Variants in PIGQ observed in about 807,000 individuals in gnomAD.
The protein encoded by PIGQ is phosphatidylinositol N-acetylglucosaminyltransferase subunit Q.
Under a neutral mutation model 60.3 loss-of-function variants are expected in PIGQ, and 54 were observed. That is an observed-to-expected ratio of 0.90 (90% CI 0.72 to 1.12). The LOEUF (loss-of-function observed/expected upper bound fraction) is 1.12, where lower values mean the gene tolerates loss of function less well. Among genes scored for constraint, PIGQ ranks in the 50% most tolerant of loss-of-function variants. PIGQ has a pLI of 0.00. For missense variants in PIGQ, 799 were observed against 793.5 expected (o/e 1.01, Z -0.08); for synonymous variants, 416 against 363.7 (o/e 1.14, Z -1.64).
intron 1 of PIGQ, 56 bp from the exon 2 acceptor site, chr16:574,010 C>T (rs1403993385): frequency 5.4e-6 from 7 of 1,298,374 alleles, no homozygotes; most frequent in Non-Finnish European, 7.4e-6. Context: ...CATCCCGCAG[C>T]CCACGGTGGG....
In PIGQ at chr16:583,344, C is replaced by A. The variant is rs1173751169; in HGVS notation, c.*309C>A. The A allele has an allele frequency of 6.2e-7, 1 of 1,612,568 alleles. No homozygotes were observed. Among genetic ancestry groups the A allele is most frequent in the South Asian group, 1.1e-5 (1 of 91,066 alleles). ...CAGGTGTCCAGAGCACTGCCCCATG[C>A]CCACCCTGTGTACCCAGGTCCAGAG... On this transcript the variant is annotated 3_prime_UTR_variant, in exon 11 of 11. Coordinates refer to ENST00000321878, the MANE Select transcript of PIGQ (RefSeq NM_004204.5).
chr16:581,259 G>C (rs1001988551), intron 9 of PIGQ: 24 of 1,379,644 alleles, frequency 1.7e-5, no homozygotes, highest in Non-Finnish European at 2.3e-5. Flanking sequence ...GGATTTTCTG[G>C]GCTTGGGAGT....
At chr16:578,630 G>C in intron 5 of PIGQ, 125 bp downstream of exon 5, 2 of 1,400,244 alleles carry the variant, frequency 1.4e-6, no homozygotes, top group South Asian at 2.6e-5. Context: ...TGTGAGGCCT[G>C]CTGTGCTCAG....
chr16:579,060 G>A lies in PIGQ; in HGVS notation c.1224-9G>A, dbSNP rs1567176813. ...GCGGGGCCGGGCCCGACAGCACTGC[G>A]TCCTGTAGGCTGTACTGCCTGAAGA... On this transcript the variant is annotated splice_polypyrimidine_tract_variant and intron_variant, in intron 6 of 10. Transcript: ENST00000321878. 6.2e-6 allele frequency: 10 copies of A among 1,610,558 alleles called. No homozygotes were observed. The highest frequency in any genetic ancestry group is 3.3e-5 in the Admixed American group (2 of 59,984).
At position 579,011 on chromosome 16, in the gene PIGQ, G is replaced by T. The variant is rs2035769158; in HGVS notation, c.1224-58G>T. On this transcript the variant is annotated intron_variant, in intron 6 of 10. Transcript: ENST00000321878. ...GCTCCGGCTGGGCGGGCGTTCGAGTGGGGCGGGGGCGGGGCGGGGCGGGGC... is the reference window on the plus strand; with the variant it reads ...GCTCCGGCTGGGCGGGCGTTCGAGTTGGGCGGGGGCGGGGCGGGGCGGGGC... 6 of 1,512,696 alleles carry T rather than the reference G, an allele frequency of 4.0e-6. No homozygotes were observed. In the Admixed American group the frequency reaches 5.7e-5, roughly 14 times the overall value. 93.7% of individuals were successfully genotyped at this position (1,512,696 alleles called of 1,614,324 possible). A position where few individuals can be genotyped will look rare whatever the true frequency, so the allele number is the denominator to read the frequency against.
rs868711317 is a variant in PIGQ at position 583,422 on chromosome 16, C to A, written c.*387C>A. The A allele has an allele frequency of 6.2e-7, 1 of 1,612,768 alleles. No individual in the cohort carries two copies. The highest frequency in any genetic ancestry group is 8.5e-7 in the Non-Finnish European group (1 of 1,179,964). On this transcript the variant is annotated 3_prime_UTR_variant, in exon 11 of 11. Transcript: ENST00000321878. ...GGAGGGCTGGTCTCCCTGGGGGCTCCCCAGTGGCTCTGCCCTGGCTGTGGG... is the reference window on the plus strand; with the variant it reads ...GGAGGGCTGGTCTCCCTGGGGGCTCACCAGTGGCTCTGCCCTGGCTGTGGG...
intron 1 of PIGQ, among the ~76,000 whole-genome samples, chr16:571,037 C>CCG: frequency 1.0e-5 from 1 of 100,082 alleles, no homozygotes; most frequent in Non-Finnish European, 2.1e-5. Flanking sequence ...AGCCTGGCGC[C>CCG]CGTGTGTGTG....
Position 578,803 on chromosome 16 carries a change from C to T in PIGQ, c.1088C>T (p.Ser363Phe), listed in dbSNP as rs200912387. The stretch of plus-strand genomic sequence containing the variant: ...CTGCCAGGCTACATCCACCTCATGT[C>T]CCCCTTCGTGGAGCACATCCTTTGG... ...HLWISYIHLM[S>F]PFVEHILWHV... The change falls in exon 6 of 11, where the codon TCC (serine) becomes TTC (phenylalanine). Residue 363 changes from serine to phenylalanine, a missense_variant. Physicochemically the swap from Ser to Phe is radical, Grantham distance 155. Transcript: ENST00000321878. The T allele has an allele frequency of 8.7e-6, 14 of 1,613,570 alleles. No individual in the cohort carries two copies. In the South Asian group the frequency reaches 1.2e-4, roughly 14 times the overall value.
intron 4 of PIGQ, chr16:577,364 T>G (rs1214137055): frequency 6.6e-6 from 1 of 151,900 alleles, no homozygotes; most frequent in Non-Finnish European, 1.5e-5. Context: ...GATCATGAGG[T>G]CAGGAGATCG....
At position 576,424 on chromosome 16, in the gene PIGQ, G is replaced by A. The variant is rs902604022; in HGVS notation, c.942+170G>A. ...CAGAAGCAGGAACTCCAGGGGCGCT[G>A]GGGCCTGGGCAGGGCAGGCCTCGCA... On this transcript the variant is annotated intron_variant, in intron 4 of 10. Coordinates refer to ENST00000321878, the MANE Select transcript of PIGQ (RefSeq NM_004204.5). 21 of 810,106 alleles carry A rather than the reference G, an allele frequency of 2.6e-5. No homozygotes were observed. In the Admixed American group the frequency reaches 4.3e-4, roughly 17 times the overall value. 50.2% of individuals were successfully genotyped at this position (810,106 alleles called of 1,614,324 possible). A position where few individuals can be genotyped will look rare whatever the true frequency, so the allele number is the denominator to read the frequency against.
chr16:581,015 G>A (rs1431523557), intron 9 of PIGQ, 43 bp downstream of exon 9: 5 of 1,394,954 alleles, frequency 3.6e-6, no homozygotes, highest in South Asian at 1.2e-5. Flanking sequence ...GTAGGTGGAG[G>A]GGAACCACAC....
intron 1 of PIGQ, chr16:572,393 C>T (rs1169802972): frequency 2.4e-6 from 1 of 408,472 alleles, no homozygotes; most frequent in Non-Finnish European, 4.9e-6. Context: ...TGACTGGATC[C>T]TCCAGCCCCA....
At position 576,274 on chromosome 16, in the gene PIGQ, GCCCGGTGTCCCGGGTGGGCGTGGGGAC is replaced by G; in HGVS notation, c.942+24_942+50del. On this transcript the variant is annotated intron_variant, in intron 4 of 10. Transcript: ENST00000321878. ...GCTGACGTGAGTGGACTGGGGTGGA[GCCCGGTGTCCCGGGTGGGCGTGGGGAC>G]CCCTCCTGGGCAGCAGAGCCTTCCC... 6.4e-7 allele frequency: 1 copy of G among 1,551,892 alleles called. No individual in the cohort carries two copies. The highest frequency in any genetic ancestry group is 2.4e-5 in the East Asian group (1 of 41,602).
chr16:583,116 C>G lies in PIGQ; in HGVS notation c.*81C>G. The G allele has an allele frequency of 6.2e-7, 1 of 1,613,164 alleles. No homozygotes were observed. Among genetic ancestry groups the G allele is most frequent in the Non-Finnish European group, 8.5e-7 (1 of 1,179,968 alleles). On this transcript the variant is annotated 3_prime_UTR_variant, in exon 11 of 11. Coordinates refer to ENST00000321878, the MANE Select transcript of PIGQ (RefSeq NM_004204.5). Reference sequence around the variant, plus strand: ...GCCAGGGTGGCACCAGCTCAGCTGGCGCATGTCCTGTGCTTTGTGGACGCT... The same window carrying G: ...GCCAGGGTGGCACCAGCTCAGCTGGGGCATGTCCTGTGCTTTGTGGACGCT...
At position 583,803 on chromosome 16, in the gene PIGQ, AG is replaced by A; in HGVS notation, c.*770del. ...CCCTTCATGGGCCTCCCAGGGAAGG[AG>A]GAAGCCCTGCTGTGCAGACACCTCT... On this transcript the variant is annotated 3_prime_UTR_variant, in exon 11 of 11. Coordinates refer to ENST00000321878, the MANE Select transcript of PIGQ (RefSeq NM_004204.5). The A allele has an allele frequency of 1.3e-6, 1 of 772,738 alleles. No individual in the cohort carries two copies. The highest frequency in any genetic ancestry group is 2.2e-6 in the Non-Finnish European group (1 of 453,998). The allele number at this position is 772,738 out of a possible 1,614,324, so 47.9% of individuals were successfully genotyped here. A position where few individuals can be genotyped will look rare whatever the true frequency, so the allele number is the denominator to read the frequency against.
intron 1 of PIGQ, among the ~76,000 whole-genome samples, chr16:573,511 C>T (rs533410923): frequency 4.6e-5 from 7 of 152,284 alleles, no homozygotes; most frequent in South Asian, 2.1e-4. Flanking sequence ...GGGGGCTGCC[C>T]GCCGTGCGCA....
chr16:582,381 T>C (rs1433952666), intron 10 of PIGQ, 72 bp downstream of exon 10: 4 of 1,178,086 alleles, frequency 3.4e-6, no homozygotes, highest in African/African-American at 3.0e-5. Flanking sequence ...CAGCTGGGTG[T>C]AGTGTCTGGG....
At position 583,741 on chromosome 16, in the gene PIGQ, TG is replaced by T. The variant is rs774771593; in HGVS notation, c.*707del. On this transcript the variant is annotated 3_prime_UTR_variant, in exon 11 of 11. Coordinates refer to ENST00000321878, the MANE Select transcript of PIGQ (RefSeq NM_004204.5). ...CCCAGCCGTACCTATTCGTCCACGGTGCCCCGTAGCAGCAGGTCCTGCGGCC... is the reference window on the plus strand; with the variant it reads ...CCCAGCCGTACCTATTCGTCCACGGTCCCCGTAGCAGCAGGTCCTGCGGCC... The T allele has an allele frequency of 2.3e-6, 3 of 1,325,712 alleles. No individual in the cohort carries two copies. Among genetic ancestry groups the T allele is most frequent in the Non-Finnish European group, 3.2e-6 (3 of 932,466 alleles). 82.1% of individuals were successfully genotyped at this position (1,325,712 alleles called of 1,614,324 possible).
rs1256159076 is a variant in PIGQ at position 569,989 on chromosome 16, C to G, written c.-117C>G. On this transcript the variant is annotated 5_prime_UTR_variant, in exon 1 of 11. Coordinates refer to ENST00000321878, the MANE Select transcript of PIGQ (RefSeq NM_004204.5). ...CGGCGGAAGTGGGGCTCGGGTCCCG[C>G]GGCGGGGCTGGAGGCAGCGAGCGCC... 1 of 149,086 alleles carries G rather than the reference C, an allele frequency of 6.7e-6. No homozygotes were observed. The highest frequency in any genetic ancestry group is 1.5e-5 in the Non-Finnish European group (1 of 66,784). 9.2% of individuals were successfully genotyped at this position (149,086 alleles called of 1,614,324 possible). A position where few individuals can be genotyped will look rare whatever the true frequency, so the allele number is the denominator to read the frequency against.
Sources: gnomAD v4.1 joint callset for allele counts (sites outside exome capture counted in the v4.1 genomes callset) on GRCh38, gnomAD v4.1.1 for gene constraint, MANE v1.5 for transcripts, NCBI Gene and HGNC (gene_info 2026-07-23, HGNC 2026-07-21) for gene names.